The following SLC24A3 variants were observed in gnomAD, a reference collection of about 807,000 sequenced individuals.
SLC24A3 encodes the protein sodium/potassium/calcium exchanger 3.
A neutral mutation model predicts 75.8 loss-of-function variants in SLC24A3; 28 were observed. The ratio of observed to expected loss-of-function variants is 0.37; its 90% CI spans 0.27 to 0.51. SLC24A3 has a LOEUF of 0.51. SLC24A3 is among the 20% of genes least tolerant of loss of function. SLC24A3 has a pLI of 0.94. For synonymous variants in SLC24A3, 372 were observed against 334.1 expected (o/e 1.11, Z -1.24); for missense variants, 663 against 847.8 (o/e 0.78, Z 2.71).
At chr20:19,551,863 G>A (rs1335901386) in intron 3 of SLC24A3, among the ~76,000 whole-genome samples, 2 of 152,154 alleles carry the variant, frequency 1.3e-5, no homozygotes, top group African/African-American at 4.8e-5. Flanking sequence ...GCTCTCAGCT[G>A]CCTGATCTAT....
chr20:19,239,078 A>AGTGT (rs1426386552), intron 1 of SLC24A3, among the ~76,000 whole-genome samples: 1 of 149,584 alleles, frequency 6.7e-6, no homozygotes, highest in Non-Finnish European at 1.5e-5. Flanking sequence ...CACTGGAGGA[A>AGTGT]GTGTGATGCA....
Position 19,255,051 on chromosome 20 carries a change from G to A in SLC24A3, c.143-25908G>A, listed in dbSNP as rs1340566900. 2.0e-5 allele frequency among the ~76,000 whole-genome samples: 3 copies of A among 152,220 alleles called. No individual in the cohort carries two copies. In the East Asian group the frequency reaches 5.8e-4, roughly 29 times the overall value. On this transcript the variant is annotated intron_variant, in intron 1 of 16. Transcript: ENST00000328041. ...TTGCCCTTTCCCAGAAGTAGTAAAT[G>A]TTTTTGATTCACTGGGTGGGGATCC...
intron 9 of SLC24A3, among the ~76,000 whole-genome samples, chr20:19,681,229 T>C (rs2032612155): frequency 6.6e-6 from 1 of 152,144 alleles, no homozygotes; most frequent in African/African-American, 2.4e-5. Context: ...TGGAGGATAA[T>C]AGCCTAGAAT....
At chr20:19,359,254 TA>T (rs952418160) in intron 2 of SLC24A3, among the ~76,000 whole-genome samples, 22 of 151,592 alleles carry the variant, frequency 1.5e-4, no homozygotes, top group African/African-American at 4.1e-4. Context: ...TGTCCCCAAT[TA>T]AAAAAAAAGT....
intron 2 of SLC24A3, among the ~76,000 whole-genome samples, chr20:19,442,957 C>T (rs1336267561): frequency 6.6e-6 from 1 of 152,308 alleles, no homozygotes; most frequent in East Asian, 1.9e-4. Context: ...TGTCTTTTCT[C>T]TATTGCATTG....
chr20:19,659,649 A>T (rs1275536870), intron 7 of SLC24A3, among the ~76,000 whole-genome samples: 1 of 152,228 alleles, frequency 6.6e-6, no homozygotes, highest in Non-Finnish European at 1.5e-5. Flanking sequence ...TGGCATCACC[A>T]GGGCTCTGGT....
intron 2 of SLC24A3, among the ~76,000 whole-genome samples, chr20:19,317,058 A>G (rs1298293567): frequency 6.6e-6 from 1 of 152,142 alleles, no homozygotes; most frequent in African/African-American, 2.4e-5. Flanking sequence ...GACAAAAACA[A>G]GCAATGGGGA....
intron 8 of SLC24A3, among the ~76,000 whole-genome samples, chr20:19,670,734 A>G (rs185115872): frequency 3.9e-4 from 60 of 152,358 alleles, no homozygotes; most frequent in South Asian, 8.3e-4. Flanking sequence ...TATGCTACGT[A>G]TACATTGGTG....
chr20:19,230,997 T>C (rs1368413142), intron 1 of SLC24A3, among the ~76,000 whole-genome samples: 1 of 152,234 alleles, frequency 6.6e-6, no homozygotes, highest in East Asian at 1.9e-4. Flanking sequence ...TATTAACTAC[T>C]CTGTCTTAGT....
At chr20:19,659,901 C>T (rs1389217310) in intron 7 of SLC24A3, among the ~76,000 whole-genome samples, 1 of 152,138 alleles carries the variant, frequency 6.6e-6, no homozygotes, top group Non-Finnish European at 1.5e-5. Flanking sequence ...CTCCAGCCAC[C>T]CCCTGCTAGA....
At position 19,504,760 on chromosome 20, in the gene SLC24A3, A is replaced by G. The variant is rs756452223; in HGVS notation, c.272-10728A>G. Among the ~76,000 whole-genome samples the G allele has an allele frequency of 7.2e-5, 11 of 152,380 alleles. 1 individual carries two copies. In the South Asian group the frequency reaches 1.4e-3, roughly 20 times the overall value. The stretch of plus-strand genomic sequence containing the variant: ...ACAAAGGAGTCCAAGAAGAGTATCA[A>G]GTTCTGCACACCACAGGGAATTTAC... On this transcript the variant is annotated intron_variant, in intron 2 of 16. Coordinates refer to ENST00000328041, the MANE Select transcript of SLC24A3 (RefSeq NM_020689.4).
At chr20:19,441,418 A>G (rs1015347544) in intron 2 of SLC24A3, among the ~76,000 whole-genome samples, 1 of 152,206 alleles carries the variant, frequency 6.6e-6, no homozygotes, top group Admixed American at 6.5e-5. Context: ...CATGGACTCA[A>G]TGCACAGTCC....
intron 2 of SLC24A3, among the ~76,000 whole-genome samples, chr20:19,374,695 T>C (rs554195353): frequency 6.6e-6 from 1 of 152,292 alleles, no homozygotes; most frequent in East Asian, 1.9e-4. Context: ...GTCAGAGAAG[T>C]TAAAGGATAT....
chr20:19,513,127 T>C, intron 2 of SLC24A3, among the ~76,000 whole-genome samples: 1 of 152,168 alleles, frequency 6.6e-6, no homozygotes, highest in Admixed American at 6.5e-5. Flanking sequence ...AAAAAGCCTA[T>C]TGCTTCTCCT....
chr20:19,602,273 A>G (rs191895835), intron 6 of SLC24A3, among the ~76,000 whole-genome samples: 71 of 152,248 alleles, frequency 4.7e-4, no homozygotes, highest in African/African-American at 1.6e-3. Flanking sequence ...ATTTTATTTA[A>G]TCTTTTCTAG....
rs542753943 is a variant in SLC24A3, at chr20:19,471,960, G to A, written c.272-43528G>A. Among the ~76,000 whole-genome samples the A allele has an allele frequency of 8.5e-5, 13 of 152,296 alleles. 1 individual carries two copies. Among genetic ancestry groups the A allele is most frequent in the African/African-American group, 3.1e-4 (13 of 41,550 alleles). ...GACAGAGAGATTATTGCTTTACAAA[G>A]GAATTTGCCATGTAGTTCTTTAAAT... On this transcript the variant is annotated intron_variant, in intron 2 of 16. Transcript: ENST00000328041.
chr20:19,574,770 C>T (rs148112161), intron 3 of SLC24A3, among the ~76,000 whole-genome samples: 141 of 152,292 alleles, frequency 9.3e-4, no homozygotes, highest in Admixed American at 1.3e-3. Context: ...CATGCTGTGA[C>T]GAGGCCCATG....
At chr20:19,342,469 T>A (rs1216219336) in intron 2 of SLC24A3, among the ~76,000 whole-genome samples, 1 of 152,194 alleles carries the variant, frequency 6.6e-6, no homozygotes, top group Non-Finnish European at 1.5e-5. Context: ...ATGTTTAAGA[T>A]CATATTCAAT....
At chr20:19,599,474 G>A (rs1421308322) in intron 6 of SLC24A3, among the ~76,000 whole-genome samples, 1 of 152,146 alleles carries the variant, frequency 6.6e-6, no homozygotes, top group Non-Finnish European at 1.5e-5. Flanking sequence ...GCATCTGGAG[G>A]ACTGCGTGTA....
Sources: allele counts gnomAD v4.1 joint callset (sites outside exome capture counted in the v4.1 genomes callset), GRCh38; gene constraint gnomAD v4.1.1; transcripts MANE v1.5; gene names NCBI Gene and HGNC (gene_info 2026-07-23, HGNC 2026-07-21).